Variants in VPS13A observed in about 807,000 individuals in gnomAD.
VPS13A encodes the protein vacuolar protein sorting 13 homolog A.
In VPS13A, 264 loss-of-function variants were observed where a neutral mutation model predicts 390.9. The observed-to-expected ratio is 0.68, with a 90% CI of 0.61 to 0.75. The LOEUF is 0.75. VPS13A is among the 30% of genes least tolerant of loss of function. The pLI, the probability that VPS13A is intolerant of heterozygous loss-of-function variation, is 0.00. For synonymous variants in VPS13A, 1,231 were observed against 1,227.1 expected (o/e 1.00, Z -0.07); for missense variants, 3,409 against 3,733.9 (o/e 0.91, Z 2.27).
At chr9:77,413,367 A>T (rs1306925825) in intron 71 of VPS13A, among the ~76,000 whole-genome samples, 3 of 152,244 alleles carry the variant, frequency 2.0e-5, no homozygotes, top group Non-Finnish European at 4.4e-5. Context: ...TAACCAAAAC[A>T]GCATGGTACT....
chr9:77,182,250 T>C (rs1188105710), intron 1 of VPS13A, among the ~76,000 whole-genome samples: 1 of 152,066 alleles, frequency 6.6e-6, no homozygotes, highest in Non-Finnish European at 1.5e-5. Flanking sequence ...CCCACCATCA[T>C]GCATGGCTAA....
At chr9:77,322,121 TTTTGCAACTGAAAGAATTC>T (rs550791030) in intron 44 of VPS13A, among the ~76,000 whole-genome samples, 232 of 152,060 alleles carry the variant, frequency 1.5e-3, no homozygotes, top group African/African-American at 5.4e-3. Flanking sequence ...ATTCCACCAG[TTTTGCAACTGAAAGAATTC>T]TAAGTGTGAA....
rs1286694992 is a variant in VPS13A, at chr9:77,316,300, G to A, written c.4757G>A (p.Cys1586Tyr). Residue 1586 changes from cysteine to tyrosine, a missense_variant, in exon 39 of 72, where the codon TGC (cysteine) becomes TAC (tyrosine). By Grantham distance (194) the Cys-to-Tyr change is radical. Around this residue, in one of 5 missense-constraint regions of VPS13A, gnomAD observed 2,717 missense variants for 2,917.4 expected, o/e 0.93. Transcript: ENST00000360280. ...ALVITTQCEI[C>Y]YKGNLENSTM... ...GTCATTACAACACAATGTGAAATTTGCTATAAAGGTAACCTTGAAAATAGT... is the reference window on the plus strand; with the variant it reads ...GTCATTACAACACAATGTGAAATTTACTATAAAGGTAACCTTGAAAATAGT... 1 of 1,613,298 alleles carries A rather than the reference G, an allele frequency of 6.2e-7. No homozygotes were observed. The highest frequency in any genetic ancestry group is 8.5e-7 in the Non-Finnish European group (1 of 1,179,468).
chr9:77,395,125 C>T (rs1011778899), intron 68 of VPS13A, among the ~76,000 whole-genome samples: 1 of 152,176 alleles, frequency 6.6e-6, no homozygotes, highest in Admixed American at 6.5e-5. Flanking sequence ...TACTACCTTT[C>T]AGTCTAACTC....
rs117503412 is a variant in VPS13A at position 77,241,308 on chromosome 9, A to G, written c.1900+2922A>G. On this transcript the variant is annotated intron_variant, in intron 19 of 71. Coordinates refer to ENST00000360280, the MANE Select transcript of VPS13A (RefSeq NM_033305.3). ...TGTAGCCATGCCCAATGTGGTATCA[A>G]ATCTCTTCATTAAGTTTAATTTCAG... Among the ~76,000 whole-genome samples the G allele has an allele frequency of 8.5e-3, 1,288 of 152,266 alleles. 10 individuals carry two copies. The highest frequency in any genetic ancestry group is 0.014 in the South Asian group (67 of 4,824).
chr9:77,275,494 G>A lies in VPS13A; in HGVS notation c.2513-4G>A, dbSNP rs748590740. 6.2e-7 allele frequency: 1 copy of A among 1,612,998 alleles called. No individual in the cohort carries two copies. Among genetic ancestry groups the A allele is most frequent in the Admixed American group, 1.7e-5 (1 of 59,976 alleles). On this transcript the variant is annotated splice_region_variant and splice_polypyrimidine_tract_variant and intron_variant, in intron 24 of 71. Coordinates refer to ENST00000360280, the MANE Select transcript of VPS13A (RefSeq NM_033305.3). ...TGACTTAAATAATGTTCTGTGAAATGTAGATTCAGAGGAGGAATTTTTTGA... is the reference window on the plus strand; with the variant it reads ...TGACTTAAATAATGTTCTGTGAAATATAGATTCAGAGGAGGAATTTTTTGA...
chr9:77,382,500 C>G (rs1440904191), intron 68 of VPS13A: 1 of 1,292,378 alleles, frequency 7.7e-7, no homozygotes, highest in South Asian at 2.6e-5. Flanking sequence ...TTGTTGGAAG[C>G]CTTTGTACCT....
chr9:77,321,781 T>G (rs781185369), intron 44 of VPS13A, 35 bp downstream of exon 44: 1 of 1,609,910 alleles, frequency 6.2e-7, no homozygotes, highest in Non-Finnish European at 8.5e-7. Context: ...CTGGGGCTAT[T>G]TTGTTTTAAA....
At position 77,205,418 on chromosome 9, in the gene VPS13A, A is replaced by G; in HGVS notation, c.283+10A>G. 1 of 1,227,290 alleles carries G rather than the reference A, an allele frequency of 8.1e-7. No individual in the cohort carries two copies. Among genetic ancestry groups the G allele is most frequent in the Non-Finnish European group, 1.1e-6 (1 of 917,150 alleles). The allele number at this position is 1,227,290 out of a possible 1,614,324, so 76.0% of individuals were successfully genotyped here. On this transcript the variant is annotated intron_variant, in intron 4 of 71. Transcript: ENST00000360280. ...ATAGTGCCTTCTTCTAGTAAGTTAA[A>G]TTTAAAAAAATTATAATTTAAGTTA...
At chr9:77,316,442 CTA>C in intron 39 of VPS13A, 36 bp downstream of exon 39, 3 of 1,576,632 alleles carry the variant, frequency 1.9e-6, no homozygotes, top group Non-Finnish European at 2.6e-6. Context: ...TTAATTGTAA[CTA>C]TTTTGGATGT....
chr9:77,382,258 ATTTTT>A lies in VPS13A; in HGVS notation c.9189+176_9189+180del, dbSNP rs749473427. 1.4e-5 allele frequency: 21 copies of A among 1,473,078 alleles called. 1 individual carries two copies. The highest frequency in any genetic ancestry group is 2.2e-4 in the Middle Eastern group (1 of 4,506). The allele number at this position is 1,473,078 out of a possible 1,614,324, so 91.3% of individuals were successfully genotyped here. A position where few individuals can be genotyped will look rare whatever the true frequency, so the allele number is the denominator to read the frequency against. Reference sequence around the variant, plus strand: ...TTAAAGTACATTTATTTACTATAAGATTTTTTTTTCTTTTTTACAGGCATCAAAAA... The same window carrying A: ...TTAAAGTACATTTATTTACTATAAGATTTTCTTTTTTACAGGCATCAAAAA... On this transcript the variant is annotated intron_variant, in intron 68 of 71. Coordinates refer to ENST00000360280, the MANE Select transcript of VPS13A (RefSeq NM_033305.3).
chr9:77,396,245 G>T (rs149748586), intron 68 of VPS13A, among the ~76,000 whole-genome samples: 2 of 152,112 alleles, frequency 1.3e-5, no homozygotes, highest in Non-Finnish European at 2.9e-5. Context: ...ACAACAATTC[G>T]TATCTCTTAA....
rs1221513517 is a variant in VPS13A at position 77,317,759 on chromosome 9, A to G, written c.4956+61A>G. 1.2e-5 allele frequency: 15 copies of G among 1,297,844 alleles called. No individual in the cohort carries two copies. In the Admixed American group the frequency reaches 2.8e-4, roughly 24 times the overall value. The allele number at this position is 1,297,844 out of a possible 1,614,324, so 80.4% of individuals were successfully genotyped here. ...ACTTAAAAAAAGTAGTAAAGCCTAG[A>G]AAGTTATTATAGCAAGTCTTTTAAT... is the stretch of plus-strand genomic sequence containing the variant. On this transcript the variant is annotated intron_variant, in intron 40 of 71. Transcript: ENST00000360280.
chr9:77,264,853 G>A (rs1825944300), intron 23 of VPS13A, among the ~76,000 whole-genome samples: 2 of 152,026 alleles, frequency 1.3e-5, no homozygotes, highest in Non-Finnish European at 2.9e-5. Context: ...AGTGGTGAGA[G>A]AGGGCATTCT....
chr9:77,389,998 T>C (rs1282428478), intron 68 of VPS13A: 1 of 752,498 alleles, frequency 1.3e-6, no homozygotes, highest in African/African-American at 1.9e-5. Context: ...TTAATAGCAA[T>C]TGGAAGATAA....
chr9:77,212,919 G>C (rs769146114), intron 7 of VPS13A, 50 bp from the exon 8 acceptor site: 5 of 1,584,928 alleles, frequency 3.2e-6, no homozygotes, highest in Non-Finnish European at 4.3e-6. Flanking sequence ...TTACTCTGCT[G>C]TTTCAAATGG....
At chr9:77,380,491 T>C (rs1330050798) in intron 67 of VPS13A, among the ~76,000 whole-genome samples, 2 of 152,038 alleles carry the variant, frequency 1.3e-5, no homozygotes, top group East Asian at 3.9e-4. Context: ...TTTGTATTTT[T>C]AGTAGAGACA....
intron 40 of VPS13A, 62 bp downstream of exon 40, chr9:77,317,760 A>G: frequency 1.6e-6 from 2 of 1,265,034 alleles, no homozygotes; most frequent in Non-Finnish European, 2.2e-6. Flanking sequence ...AAAGCCTAGA[A>G]AGTTATTATA....
intron 59 of VPS13A, among the ~76,000 whole-genome samples, chr9:77,361,180 C>T (rs981462330): frequency 1.6e-4 from 24 of 152,104 alleles, no homozygotes; most frequent in African/African-American, 5.8e-4. Context: ...GGTTCAATGA[C>T]TTTTAATGTA....
Sources: allele counts gnomAD v4.1 joint callset (sites outside exome capture counted in the v4.1 genomes callset), GRCh38; gene constraint gnomAD v4.1.1; regional missense constraint gnomAD v4.1.1; transcripts MANE v1.5; gene names NCBI Gene and HGNC (gene_info 2026-07-23, HGNC 2026-07-21).